The following PTPA variants were observed in gnomAD, a reference collection of about 807,000 sequenced individuals.
The protein encoded by PTPA is serine/threonine-protein phosphatase 2A activator.
A neutral mutation model predicts 43.6 loss-of-function variants in PTPA; 13 were observed. The ratio of observed to expected loss-of-function variants is 0.30; its 90% confidence interval spans 0.19 to 0.47. The LOEUF is 0.47. Among genes scored for constraint, PTPA ranks in the 20% least tolerant of loss-of-function variants. The pLI is 0.99. For missense variants in PTPA, 329 were observed against 411.9 expected (o/e 0.80, Z 1.74); for synonymous variants, 172 against 158.2 (o/e 1.09, Z -0.66).
intron 7 of PTPA, among the ~76,000 whole-genome samples, chr9:129,136,962 C>T (rs1049590007): frequency 6.6e-6 from 1 of 152,196 alleles, no homozygotes; most frequent in Non-Finnish European, 1.5e-5. Context: ...ATTTGGTGAC[C>T]AGTGTCATCC....
chr9:129,128,009 A>T (rs375967227), intron 3 of PTPA: 5 of 1,347,762 alleles, frequency 3.7e-6, no homozygotes, highest in Non-Finnish European at 4.9e-6. Flanking sequence ...TGCAAAGCAG[A>T]GTGTGTCCTG....
chr9:129,133,855 AC>A (rs1300676573), intron 5 of PTPA, among the ~76,000 whole-genome samples: 1 of 152,158 alleles, frequency 6.6e-6, no homozygotes. Context: ...AACAGATCAA[AC>A]TTTTTCTTGC....
chr9:129,130,402 T>C (rs933947577), intron 4 of PTPA, among the ~76,000 whole-genome samples: 4 of 149,320 alleles, frequency 2.7e-5, no homozygotes, highest in Non-Finnish European at 3.0e-5. Context: ...CTTAAGATGG[T>C]ACATGATCTT....
chr9:129,126,519 T>G (rs1048041632), intron 3 of PTPA, among the ~76,000 whole-genome samples: 7 of 152,286 alleles, frequency 4.6e-5, no homozygotes, highest in African/African-American at 1.7e-4. Flanking sequence ...CCTCCTCTTA[T>G]GGGGGTTAAC....
intron 1 of PTPA, among the ~76,000 whole-genome samples, chr9:129,113,390 T>C (rs928656943): frequency 2.7e-5 from 4 of 150,000 alleles, no homozygotes; most frequent in African/African-American, 7.3e-5. Context: ...GTGCCTGGCC[T>C]ATGTTTTAAG....
Position 129,136,684 on chromosome 9 carries a change from CCTT to C in PTPA, c.685+94_685+96del, listed in dbSNP as rs959444370. 3.5e-6 allele frequency: 5 copies of C among 1,416,312 alleles called. No individual in the cohort carries two copies. The African/African-American group carries it at 7.2e-5, about 20-fold the overall frequency. The allele number at this position is 1,416,312 out of a possible 1,614,324, so 87.7% of individuals were successfully genotyped here. ...CTGCCCCTCCTGCGCTCCCTCCTTC[CCTT>C]CTTCCTGCCCAGGGCAGACAGTGAC... On this transcript the variant is annotated intron_variant, in intron 7 of 9. Transcript: ENST00000393370.
chr9:129,142,840 TG>T, intron 9 of PTPA: 4 of 1,532,330 alleles, frequency 2.6e-6, no homozygotes, highest in Non-Finnish European at 3.5e-6. Context: ...GTGGGGGCGA[TG>T]GGGGCCTCCC....
At chr9:129,136,696 C>G in intron 7 of PTPA, 101 bp downstream of exon 7, 1 of 1,358,758 alleles carries the variant, frequency 7.4e-7, no homozygotes, top group South Asian at 1.6e-5. Flanking sequence ...TTCTTCCTGC[C>G]CAGGGCAGAC....
At position 129,129,035 on chromosome 9, in the gene PTPA, T is replaced by C; in HGVS notation, c.267T>C (p.Asp89=). 6.2e-7 allele frequency: 1 copy of C among 1,612,982 alleles called. No individual in the cohort carries two copies. The highest frequency in any genetic ancestry group is 8.5e-7 in the Non-Finnish European group (1 of 1,179,984). ...TCAACACGCTGGACAGGTGGATTGATGAGACTCCTCCAGTGGACCAGCCCT... is the reference window on the plus strand; with the variant it reads ...TCAACACGCTGGACAGGTGGATTGACGAGACTCCTCCAGTGGACCAGCCCT... The part of the protein sequence containing the change: ...ALLNTLDRWI[D]ETPPVDQPSR... Residue 89 remains aspartate (D), a synonymous_variant, in exon 4 of 10, where the codon GAT becomes GAC. Coordinates refer to ENST00000393370, the MANE Select transcript of PTPA (RefSeq NM_178000.3).
At chr9:129,123,706 G>A (rs1045992179) in intron 3 of PTPA, among the ~76,000 whole-genome samples, 1 of 150,810 alleles carries the variant, frequency 6.6e-6, no homozygotes, top group Non-Finnish European at 1.5e-5. Flanking sequence ...ATTTTGAGAC[G>A]TAGTTTTGCT....
chr9:129,147,267 C>T, intron 9 of PTPA, 120 bp from the exon 10 acceptor site: 7 of 920,876 alleles, frequency 7.6e-6, no homozygotes, highest in South Asian at 7.3e-5. Flanking sequence ...CTGGGGGATC[C>T]CCTGGCGGGG....
At chr9:129,125,570 A>T (rs1317753466) in intron 3 of PTPA, among the ~76,000 whole-genome samples, 1 of 152,054 alleles carries the variant, frequency 6.6e-6, no homozygotes, top group Admixed American at 6.6e-5. Context: ...CAAGGGCTGT[A>T]CTTTGGCAGG....
chr9:129,131,453 C>A (rs888533281), intron 4 of PTPA, 69 bp from the exon 5 acceptor site: 46 of 1,425,240 alleles, frequency 3.2e-5, no homozygotes, highest in Non-Finnish European at 4.4e-5. Flanking sequence ...CAGGTGCTGC[C>A]CCTGGGCACC....
rs967974951 is a variant in PTPA, at chr9:129,131,556, C to G, written c.377C>G (p.Thr126Ser). Reference protein sequence around the residue: ...AENLVATVVPTHLAAAVPEVA... With the variant: ...AENLVATVVPSHLAAAVPEVA... ...AACTTGGTGGCCACAGTGGTCCCTA[C>G]CCATCTGGCAGCTGCTGTGCCTGAG... Residue 126 changes from threonine (T) to serine (S), a missense_variant, in exon 5 of 10, where the codon ACC becomes AGC. Coordinates refer to ENST00000393370, the MANE Select transcript of PTPA (RefSeq NM_178000.3). The G allele has an allele frequency of 1.9e-6, 3 of 1,613,900 alleles. No homozygotes were observed. The highest frequency in any genetic ancestry group is 2.7e-5 in the African/African-American group (2 of 74,924).
chr9:129,145,316 G>C (rs1293784916), intron 9 of PTPA, among the ~76,000 whole-genome samples: 1 of 150,662 alleles, frequency 6.6e-6, no homozygotes, highest in East Asian at 1.9e-4. Context: ...GGGCAACAGC[G>C]AGACTCCATC....
At chr9:129,130,304 G>C (rs927492741) in intron 4 of PTPA, among the ~76,000 whole-genome samples, 1 of 152,010 alleles carries the variant, frequency 6.6e-6, no homozygotes, top group African/African-American at 2.4e-5. Flanking sequence ...AATTGCTCTG[G>C]CCCAATATTT....
At chr9:129,135,052 C>T (rs559414239) in intron 6 of PTPA, among the ~76,000 whole-genome samples, 158 bp downstream of exon 6, 3 of 152,152 alleles carry the variant, frequency 2.0e-5, no homozygotes, top group Admixed American at 1.3e-4. Flanking sequence ...GTGTCCAAGC[C>T]TTTTTTCCAA....
intron 6 of PTPA, among the ~76,000 whole-genome samples, chr9:129,136,071 C>G (rs1025705117): frequency 6.6e-6 from 1 of 152,068 alleles, no homozygotes; most frequent in African/African-American, 2.4e-5. Context: ...GGGTTCATGC[C>G]ATTCTCCTGC....
intron 4 of PTPA, among the ~76,000 whole-genome samples, chr9:129,131,212 T>C (rs1317439624): frequency 6.6e-6 from 1 of 152,212 alleles, no homozygotes; most frequent in Non-Finnish European, 1.5e-5. Context: ...AGCACTGACC[T>C]TCCAGAGTCT....
Sources: allele counts gnomAD v4.1 joint callset (sites outside exome capture counted in the v4.1 genomes callset), GRCh38; gene constraint gnomAD v4.1.1; transcripts MANE v1.5; gene names NCBI Gene and HGNC (gene_info 2026-07-23, HGNC 2026-07-21).